CFAP144: variants seen among roughly 807,000 people sequenced by gnomAD.
The protein encoded by CFAP144 is cilia- and flagella-associated protein 144.
the CFAP144 span, chr1:43,148,149 C>A: frequency 1.5e-5 from 24 of 1,553,758 alleles, no homozygotes; most frequent in South Asian, 2.6e-4. Context: ...GAGGAGCCCT[C>A]CGGGTTGCGG....
At chr1:43,148,050 C>T in the CFAP144 span, 16 of 1,613,844 alleles carry the variant, frequency 9.9e-6, no homozygotes, top group Admixed American at 8.3e-5. Context: ...CCCAGAAACT[C>T]TACACGCAGT....
the CFAP144 span, chr1:43,152,804 C>T: frequency 6.3e-7 from 1 of 1,589,518 alleles, no homozygotes; most frequent in African/African-American, 1.3e-5. Flanking sequence ...CTGACTCCTT[C>T]ATAACTCATA....
At chr1:43,152,628 G>A in the CFAP144 span, 10 of 518,716 alleles carry the variant, frequency 1.9e-5, no homozygotes, top group South Asian at 3.6e-4. Flanking sequence ...CCGGAAGCAT[G>A]TCTGGCACAG....
chr1:43,149,212 C>T, the CFAP144 span, among the ~76,000 whole-genome samples: 2 of 152,172 alleles, frequency 1.3e-5, no homozygotes, highest in Admixed American at 6.5e-5. Flanking sequence ...AAATCAATCA[C>T]GACATAAGGC....
chr1:43,147,903 T>G, the CFAP144 span: 1 of 1,606,374 alleles, frequency 6.2e-7, no homozygotes, highest in East Asian at 2.2e-5. Context: ...ACGCGTTGCC[T>G]GGAGACTGTG....
At chr1:43,150,956 T>C in the CFAP144 span, 1 of 678,472 alleles carries the variant, frequency 1.5e-6, no homozygotes, top group South Asian at 1.8e-5. Flanking sequence ...GGACTCATAC[T>C]AACCAAGCTC....
the CFAP144 span, chr1:43,156,141 AC>A: frequency 4.3e-6 from 6 of 1,393,684 alleles, no homozygotes; most frequent in Admixed American, 3.4e-5. Context: ...AGGCCCATTG[AC>A]TCCAAACCCA....
the CFAP144 span, among the ~76,000 whole-genome samples, chr1:43,151,155 T>C: frequency 9.2e-4 from 140 of 152,364 alleles, no homozygotes; most frequent in African/African-American, 2.5e-3. Flanking sequence ...GTTCTGAAGC[T>C]GTACTAACTC....
chr1:43,156,061 T>C, the CFAP144 span: 1 of 670,130 alleles, frequency 1.5e-6, no homozygotes, highest in South Asian at 1.7e-5. Flanking sequence ...ACAACCTTTT[T>C]GATGTACATG....
At chr1:43,154,429 CAT>C in the CFAP144 span, among the ~76,000 whole-genome samples, 1 of 107,010 alleles carries the variant, frequency 9.3e-6, no homozygotes, top group Non-Finnish European at 1.6e-5. Flanking sequence ...TATACACACA[CAT>C]ATATGTATAC....
chr1:43,145,375 GTAGA>G, the CFAP144 span: 1 of 1,070,292 alleles, frequency 9.3e-7, no homozygotes, highest in Non-Finnish European at 1.4e-6. Context: ...GGTCCCTGCT[GTAGA>G]TAGATGGGGA....
At chr1:43,144,219 A>G in the CFAP144 span, among the ~76,000 whole-genome samples, 3 of 152,068 alleles carry the variant, frequency 2.0e-5, no homozygotes, top group African/African-American at 7.2e-5. Flanking sequence ...CTACAGCCCC[A>G]TTTCTTCTCT....
At chr1:43,152,938 G>A in the CFAP144 span, 31 of 1,608,842 alleles carry the variant, frequency 1.9e-5, no homozygotes, top group African/African-American at 6.7e-5. Context: ...CTTGGTAAGC[G>A]TGGCTCCTTC....
the CFAP144 span, among the ~76,000 whole-genome samples, chr1:43,148,807 GTCC>G: frequency 1.3e-5 from 2 of 152,002 alleles, no homozygotes; most frequent in Non-Finnish European, 2.9e-5. Context: ...AAGCCTCGGA[GTCC>G]TCCTCAAGGT....
chr1:43,155,717 TAGACA>T, the CFAP144 span, among the ~76,000 whole-genome samples: 1 of 152,240 alleles, frequency 6.6e-6, no homozygotes, highest in Non-Finnish European at 1.5e-5. Flanking sequence ...TCACCTTGGA[TAGACA>T]AGATACCTCC....
chr1:43,153,585 G>T, the CFAP144 span, among the ~76,000 whole-genome samples: 2 of 151,376 alleles, frequency 1.3e-5, no homozygotes, highest in African/African-American at 2.4e-5. Flanking sequence ...CTCCAGCTTG[G>T]GTGACAGAGT....
At chr1:43,151,395 AGAG>A in the CFAP144 span, among the ~76,000 whole-genome samples, 2 of 152,186 alleles carry the variant, frequency 1.3e-5, no homozygotes, top group African/African-American at 4.8e-5. Context: ...ATGAAGAAGA[AGAG>A]AAGTAGACTT....
At chr1:43,149,707 G>C in the CFAP144 span, among the ~76,000 whole-genome samples, 30 of 152,272 alleles carry the variant, frequency 2.0e-4, no homozygotes, top group Admixed American at 1.2e-3. Flanking sequence ...GAGCATGTGA[G>C]CCATTGGAAT....
At chr1:43,146,996 C>A in the CFAP144 span, among the ~76,000 whole-genome samples, 1 of 152,182 alleles carries the variant, frequency 6.6e-6, no homozygotes, top group African/African-American at 2.4e-5. Context: ...CAGGCATATG[C>A]CATCACGCCT....
Sources: gnomAD v4.1 joint callset for allele counts (sites outside exome capture counted in the v4.1 genomes callset) on GRCh38, gnomAD v4.1.1 for gene constraint, MANE v1.5 for transcripts, NCBI Gene and HGNC (gene_info 2026-07-23, HGNC 2026-07-21) for gene names.